MEGF6: variants seen among roughly 807,000 people sequenced by gnomAD.
MEGF6 encodes multiple EGF like domains 6.
MEGF6 carries 184 observed loss-of-function variants against 207.1 expected under a neutral mutation model. The observed-to-expected ratio is 0.89, with a 90% CI of 0.79 to 1.00. MEGF6 has a LOEUF of 1.00. Ranked by LOEUF, MEGF6 falls within the 50% of genes least tolerant of loss-of-function variation. The pLI is 0.00. For missense variants in MEGF6, 2,282 were observed against 2,202.9 expected, an observed-to-expected ratio of 1.04 and a Z score of -0.72; for synonymous variants, 1,038 against 910.0, an observed-to-expected ratio of 1.14 and a Z score of -2.53.
At chr1:3,578,462 G>A (rs992113761) in intron 4 of MEGF6, among the ~76,000 whole-genome samples, 8 of 151,938 alleles carry the variant, frequency 5.3e-5, no homozygotes, top group East Asian at 2.0e-4. Context: ...TGACCAGCCC[G>A]CAGAGGGACC....
chr1:3,496,956 C>G, intron 28 of MEGF6, 32 bp downstream of exon 28: 1 of 1,544,958 alleles, frequency 6.5e-7, no homozygotes, highest in South Asian at 1.2e-5. Flanking sequence ...GCAGCACTGC[C>G]GAGTCCCTGG....
rs1030638858 is a variant in MEGF6, at chr1:3,489,716, C to T, written c.*812G>A. Reference sequence around the variant, plus strand: ...GGAACAGCCAGTCTCTGGGTCTCAGCGGTAATGAATGCAGCCCCAGCGTTC... The same window carrying T: ...GGAACAGCCAGTCTCTGGGTCTCAGTGGTAATGAATGCAGCCCCAGCGTTC... On this transcript the variant is annotated 3_prime_UTR_variant, in exon 37 of 37. Coordinates refer to ENST00000356575, the MANE Select transcript of MEGF6 (RefSeq NM_001409.4). Among the ~76,000 whole-genome samples the T allele has an allele frequency of 7.9e-5, 12 of 152,192 alleles. No individual in the cohort carries two copies. Among genetic ancestry groups the T allele is most frequent in the East Asian group, 3.9e-4 (2 of 5,194 alleles).
rs1398885658 is a variant in MEGF6, at chr1:3,493,859, G to A, written c.4299C>T (p.Arg1433=). ...PGSFGEGCHQ[R]CDCDGGAPCD... is the part of the protein sequence containing the mutation. ...AGGGTGCCCCCCCGTCACAGTCACA[G>A]CGCTGGTGGCAGCCCTCTCCAAATG... Residue 1433 remains arginine (R), a synonymous_variant, in exon 34 of 37, where the codon CGC becomes CGT. Transcript: ENST00000356575. 1 of 1,598,520 alleles carries A rather than the reference G, an allele frequency of 6.3e-7. No individual in the cohort carries two copies. The highest frequency in any genetic ancestry group is 1.7e-5 in the Admixed American group (1 of 57,660).
chr1:3,514,507 T>C, intron 7 of MEGF6, 43 bp downstream of exon 7: 1 of 1,554,796 alleles, frequency 6.4e-7, no homozygotes, highest in Non-Finnish European at 8.7e-7. Flanking sequence ...CTGGGTGCGC[T>C]TTCTGACCCT....
rs148318461 is a variant in MEGF6 at position 3,500,733 on chromosome 1, G to A, written c.2607C>T (p.Cys869=). 951 of 1,601,202 alleles carry A rather than the reference G, an allele frequency of 5.9e-4. 5 individuals are homozygous for A. In the African/African-American group the frequency reaches 0.012, roughly 19 times the overall value. ...CAGCGCTGCAGTTGCAGGGGTGGCT[G>A]CAGTCAGGTCCCCAGTGCCCAGTAT... ...ACDTGHWGPD[C]SHPCNCSAGH... The change falls in exon 21 of 37, where the codon TGC becomes TGT. Residue 869 remains cysteine, a synonymous_variant. Coordinates refer to ENST00000356575, the MANE Select transcript of MEGF6 (RefSeq NM_001409.4).
intron 1 of MEGF6, among the ~76,000 whole-genome samples, chr1:3,610,921 AG>A (rs952881668): frequency 9.6e-5 from 8 of 82,914 alleles, no homozygotes; most frequent in African/African-American, 2.6e-4. Flanking sequence ...GGAGAGTGGG[AG>A]GGGGGGAGGG....
intron 4 of MEGF6, among the ~76,000 whole-genome samples, chr1:3,553,366 G>A (rs1642941802): frequency 1.3e-5 from 2 of 151,760 alleles, no homozygotes; most frequent in Non-Finnish European, 2.9e-5. Context: ...TTTCCTGAGA[G>A]TCTTCAGGAA....
At chr1:3,524,957 T>C (rs576829586) in intron 4 of MEGF6, among the ~76,000 whole-genome samples, 24 of 152,266 alleles carry the variant, frequency 1.6e-4, no homozygotes, top group African/African-American at 5.8e-4. Context: ...GAAGGTCCTC[T>C]CTATGGGTTC....
chr1:3,606,792 G>A (rs1396926550), intron 1 of MEGF6, among the ~76,000 whole-genome samples: 2 of 152,164 alleles, frequency 1.3e-5, no homozygotes, highest in East Asian at 1.9e-4. Context: ...CGGAAGCCGG[G>A]GGGAATAGGC....
intron 3 of MEGF6, among the ~76,000 whole-genome samples, chr1:3,585,169 T>C (rs1643874493): frequency 6.8e-6 from 1 of 147,582 alleles, no homozygotes; most frequent in South Asian, 2.3e-4. Flanking sequence ...TGTGGACACG[T>C]CCTGTGTGTG....
chr1:3,615,367 T>C (rs1403994404), upstream of MEGF6, among the ~76,000 whole-genome samples: 1 of 152,216 alleles, frequency 6.6e-6, no homozygotes, highest in African/African-American at 2.4e-5. Context: ...GCTGGTCCCA[T>C]GGCTGGACCC....
intron 4 of MEGF6, among the ~76,000 whole-genome samples, chr1:3,579,417 T>C (rs2794341): frequency 0.9 from 137,083 of 152,260 alleles, 61,830 homozygotes; most frequent in Middle Eastern, 0.93. Context: ...CCAGTCGCCT[T>C]GGCTAAGACC....
chr1:3,522,827 C>A (rs1050374977), intron 5 of MEGF6, among the ~76,000 whole-genome samples: 3 of 152,106 alleles, frequency 2.0e-5, no homozygotes, highest in Non-Finnish European at 4.4e-5. Context: ...AGAGGAGGGT[C>A]GAGAAAAGGA....
At chr1:3,509,023 C>T in intron 12 of MEGF6, 52 bp downstream of exon 12, 1 of 1,469,540 alleles carries the variant, frequency 6.8e-7, no homozygotes, top group Non-Finnish European at 9.0e-7. Context: ...CGAGGGGTCG[C>T]TGGCTGCTGG....
intron 4 of MEGF6, among the ~76,000 whole-genome samples, chr1:3,536,059 C>T (rs1393848086): frequency 6.6e-6 from 1 of 152,158 alleles, no homozygotes; most frequent in Admixed American, 6.5e-5. Flanking sequence ...CTGGCTCTGG[C>T]CGTCCTCTGG....
chr1:3,516,844 T>C (rs867465602), intron 5 of MEGF6, among the ~76,000 whole-genome samples: 2 of 152,170 alleles, frequency 1.3e-5, no homozygotes, highest in South Asian at 2.1e-4. Context: ...TGGGAGGCTA[T>C]TGGGGGTCGC....
intron 5 of MEGF6, among the ~76,000 whole-genome samples, chr1:3,523,131 A>G (rs557082547): frequency 3.9e-4 from 58 of 149,638 alleles, no homozygotes; most frequent in Admixed American, 2.8e-3. Flanking sequence ...CAGGACCGGG[A>G]GGGAGGCTGC....
intron 3 of MEGF6, among the ~76,000 whole-genome samples, chr1:3,584,465 C>T (rs552459252): frequency 6.6e-6 from 1 of 152,316 alleles, no homozygotes; most frequent in South Asian, 2.1e-4. Context: ...TTCCTCTCCT[C>T]CTTCCTCGCC....
chr1:3,508,784 A>G, intron 12 of MEGF6, 95 bp from the exon 13 acceptor site: 3 of 1,474,116 alleles, frequency 2.0e-6, no homozygotes, highest in Non-Finnish European at 2.8e-6. Context: ...GGGAAGGGGC[A>G]TAAGGGGCAT....
Sources: gnomAD v4.1 joint callset for allele counts (sites outside exome capture counted in the v4.1 genomes callset) on GRCh38, gnomAD v4.1.1 for gene constraint, MANE v1.5 for transcripts, NCBI Gene and HGNC (gene_info 2026-07-23, HGNC 2026-07-21) for gene names.